The following ASIC2 variants were observed in gnomAD, a reference collection of about 807,000 sequenced individuals.
The protein encoded by ASIC2 is acid sensing ion channel subunit 2, also known as acid-sensing ion channel 2.
A neutral mutation model predicts 57.3 loss-of-function variants in ASIC2; 25 were observed. The ratio of observed to expected loss-of-function variants is 0.44; its 90% CI spans 0.32 to 0.61. The LOEUF (loss-of-function observed/expected upper bound fraction) is 0.61, where lower values mean the gene tolerates loss of function less well. ASIC2 is among the 20% of genes least tolerant of loss of function. The probability of loss-of-function intolerance (pLI) is 0.06; values close to 1 mark genes in which losing one functional copy is unlikely to be tolerated. For missense variants in ASIC2, 641 were observed against 738.1 expected, an observed-to-expected ratio of 0.87 and a Z score of 1.52; for synonymous variants, 319 against 307.5, an observed-to-expected ratio of 1.04 and a Z score of -0.39.
chr17:34,105,145 T>A (rs1910998823), intron 1 of ASIC2, among the ~76,000 whole-genome samples: 2 of 152,080 alleles, frequency 1.3e-5, no homozygotes, highest in African/African-American at 4.8e-5. Context: ...AATTTCTATA[T>A]CATCTTGTGT....
At position 33,068,528 on chromosome 17, in the gene ASIC2, T is replaced by TCAAAACAAAACAAAACAAAA. The variant is rs59094832; in HGVS notation, c.987+20315_987+20334dup. Among the ~76,000 whole-genome samples the TCAAAACAAAACAAAACAAAA allele has an allele frequency of 1.9e-3, 289 of 149,434 alleles. 1 individual carries two copies. The highest frequency in any genetic ancestry group is 4.2e-3 in the East Asian group (21 of 5,044). ...TGGGCAACAAGAGCGAAACTCCATCTCAAAACAAAACAAAACAAAACAAAA... is the reference window on the plus strand; with the variant it reads ...TGGGCAACAAGAGCGAAACTCCATCTCAAAACAAAACAAAACAAAACAAAACAAAACAAAACAAAACAAAA... On this transcript the variant is annotated intron_variant, in intron 3 of 9. Transcript: ENST00000225823.
intron 1 of ASIC2, among the ~76,000 whole-genome samples, chr17:33,369,969 G>T (rs534264834): frequency 6.6e-6 from 1 of 152,272 alleles, no homozygotes; most frequent in African/African-American, 2.4e-5. Flanking sequence ...TCAGATTTCT[G>T]CAGCATTGTC....
chr17:33,070,474 A>T (rs2092064237), intron 3 of ASIC2, among the ~76,000 whole-genome samples: 2 of 151,750 alleles, frequency 1.3e-5, no homozygotes, highest in South Asian at 4.2e-4. Flanking sequence ...AGTAGCTGGG[A>T]CTACAGGTGT....
intron 1 of ASIC2, among the ~76,000 whole-genome samples, chr17:33,913,967 T>C (rs1915526876): frequency 6.6e-6 from 1 of 152,226 alleles, no homozygotes; most frequent in African/African-American, 2.4e-5. Context: ...AGACTATGTC[T>C]GGGTTGTCCA....
At chr17:33,253,589 G>A (rs1346013566) in intron 1 of ASIC2, among the ~76,000 whole-genome samples, 1 of 152,198 alleles carries the variant, frequency 6.6e-6, no homozygotes. Context: ...TGCCTCTGCA[G>A]CATTGACTAG....
At chr17:33,147,083 A>G (rs1904593032) in intron 1 of ASIC2, among the ~76,000 whole-genome samples, 1 of 152,234 alleles carries the variant, frequency 6.6e-6, no homozygotes, top group African/African-American at 2.4e-5. Context: ...TAAGAACTTA[A>G]TAACTATCAA....
intron 1 of ASIC2, among the ~76,000 whole-genome samples, chr17:33,630,243 T>C (rs1039058911): frequency 1.3e-5 from 2 of 152,134 alleles, no homozygotes; most frequent in Non-Finnish European, 2.9e-5. Flanking sequence ...TCCTTCCCCA[T>C]CTCACATAAG....
At chr17:33,994,616 G>A (rs952889481) in intron 1 of ASIC2, among the ~76,000 whole-genome samples, 1 of 152,128 alleles carries the variant, frequency 6.6e-6, no homozygotes, top group Admixed American at 6.5e-5. Context: ...TGACAGCAAC[G>A]TGCGAAGTTA....
intron 1 of ASIC2, among the ~76,000 whole-genome samples, chr17:33,316,640 C>T (rs964417340): frequency 6.6e-5 from 10 of 151,988 alleles, no homozygotes; most frequent in East Asian, 1.9e-4. Context: ...TCTGTTAGCC[C>T]CAGTGAACTA....
chr17:33,226,818 A>G (rs1907896830), intron 1 of ASIC2, among the ~76,000 whole-genome samples: 1 of 152,232 alleles, frequency 6.6e-6, no homozygotes. Context: ...ATAGAAATAT[A>G]AAAAGAGTCT....
chr17:33,644,780 T>C lies in ASIC2; in HGVS notation c.555+511198A>G, dbSNP rs1019555888. Among the ~76,000 whole-genome samples the C allele has an allele frequency of 5.3e-5, 8 of 152,246 alleles. No homozygotes were observed. In the East Asian group the frequency reaches 9.6e-4, roughly 18 times the overall value. ...GATATTTTCTACCTGTCTCCTGTCATTGTCAACATTTGTAAACTAACAGGC... is the reference window on the plus strand; with the variant it reads ...GATATTTTCTACCTGTCTCCTGTCACTGTCAACATTTGTAAACTAACAGGC... On this transcript the variant is annotated intron_variant, in intron 1 of 9. Transcript: ENST00000359872.
At chr17:33,993,341 G>T (rs1906057952) in intron 1 of ASIC2, among the ~76,000 whole-genome samples, 1 of 152,180 alleles carries the variant, frequency 6.6e-6, no homozygotes, top group African/African-American at 2.4e-5. Flanking sequence ...TTAAGAGACA[G>T]CATCTTGACT....
intron 1 of ASIC2, among the ~76,000 whole-genome samples, chr17:33,898,081 C>G (rs933806414): frequency 6.6e-6 from 1 of 152,074 alleles, no homozygotes; most frequent in Non-Finnish European, 1.5e-5. Flanking sequence ...GGATTCCAAG[C>G]AAGACAATAT....
chr17:34,109,366 T>C (rs1275784982), intron 1 of ASIC2, among the ~76,000 whole-genome samples: 1 of 152,214 alleles, frequency 6.6e-6, no homozygotes, highest in Non-Finnish European at 1.5e-5. Context: ...GGGTTGTTTA[T>C]GATTTTTCAT....
Position 33,580,012 on chromosome 17 carries a change from G to A in ASIC2, c.556-467945C>T, listed in dbSNP as rs1904376182. On this transcript the variant is annotated intron_variant, in intron 1 of 9. Coordinates refer to the ASIC2 transcript ENST00000359872. ...ACAAACCTCTAGCTAGACACAGAGT[G>A]CTGATTGGTGCATTTCCAATCCTTT... 3 of 152,112 alleles carry A rather than the reference G, an allele frequency of 2.0e-5. No homozygotes were observed. The South Asian group carries it at 6.2e-4, about 32-fold the overall frequency. 9.4% of individuals were successfully genotyped at this position (152,112 alleles called of 1,614,324 possible).
In ASIC2 at chr17:33,591,986, G is replaced by A. The variant is rs552092984; in HGVS notation, c.556-479919C>T. On this transcript the variant is annotated intron_variant, in intron 1 of 9. Coordinates refer to the ASIC2 transcript ENST00000359872. ...TGCCTCTGCTCCTATACCTAAGAAGGAAAAATCAAGGACAAGAATAAATTG... is the reference window on the plus strand; with the variant it reads ...TGCCTCTGCTCCTATACCTAAGAAGAAAAAATCAAGGACAAGAATAAATTG... 2.3e-3 allele frequency among the ~76,000 whole-genome samples: 355 copies of A among 152,150 alleles called. 3 individuals carry two copies. The highest frequency in any genetic ancestry group is 3.1e-3 in the Admixed American group (47 of 15,278).
At chr17:33,431,814 G>A (rs538972538) in intron 1 of ASIC2, among the ~76,000 whole-genome samples, 2 of 151,368 alleles carry the variant, frequency 1.3e-5, no homozygotes, top group African/African-American at 2.4e-5. Context: ...TCATAAGAAC[G>A]AAGAGAATAA....
chr17:33,915,432 T>A (rs1915562446), intron 1 of ASIC2, among the ~76,000 whole-genome samples: 1 of 152,210 alleles, frequency 6.6e-6, no homozygotes, highest in Non-Finnish European at 1.5e-5. Context: ...TGCCCTGGCA[T>A]CTCTCTCACC....
chr17:34,033,452 G>C (rs1044825753), intron 1 of ASIC2, among the ~76,000 whole-genome samples: 1 of 152,110 alleles, frequency 6.6e-6, no homozygotes, highest in Non-Finnish European at 1.5e-5. Context: ...ACAATTAAAA[G>C]AATTAGAAAA....
Sources: gnomAD v4.1 joint callset for allele counts (sites outside exome capture counted in the v4.1 genomes callset) on GRCh38, gnomAD v4.1.1 for gene constraint, MANE v1.5 for transcripts, NCBI Gene and HGNC (gene_info 2026-07-23, HGNC 2026-07-21) for gene names.